Variants in TFCP2 observed in about 807,000 individuals in gnomAD.
TFCP2 encodes the protein alpha-globin transcription factor CP2.
TFCP2 carries 33 observed loss-of-function variants against 73.4 expected under a neutral mutation model. That is an observed-to-expected ratio of 0.45 (90% CI 0.34 to 0.60). The LOEUF is 0.60. Among genes scored for constraint, TFCP2 ranks in the 20% least tolerant of loss-of-function variants. The pLI is 0.01. For synonymous variants in TFCP2, 193 were observed against 211.6 expected (o/e 0.91, Z 0.76); for missense variants, 352 against 604.0 (o/e 0.58, Z 4.37).
chr12:51,124,615 G>C (rs1188296056), intron 1 of TFCP2: 1 of 530,196 alleles, frequency 1.9e-6, no homozygotes, highest in Non-Finnish European at 3.6e-6. Flanking sequence ...GGACTGCCCC[G>C]CCGGCAGGTA....
intron 1 of TFCP2, among the ~76,000 whole-genome samples, chr12:51,171,503 G>T (rs534072996): frequency 1.3e-5 from 2 of 151,720 alleles, no homozygotes; most frequent in African/African-American, 2.4e-5. Context: ...TCAGCCTCCC[G>T]AGTGGCTGGG....
chr12:51,152,317 C>CT (rs1941446204), intron 1 of TFCP2, among the ~76,000 whole-genome samples: 1 of 151,944 alleles, frequency 6.6e-6, no homozygotes, highest in Non-Finnish European at 1.5e-5. Flanking sequence ...CTACCCTGCA[C>CT]TTATCAAATT....
chr12:51,109,728 T>C (rs565763512), intron 5 of TFCP2, among the ~76,000 whole-genome samples: 8 of 151,958 alleles, frequency 5.3e-5, no homozygotes, highest in African/African-American at 1.9e-4. Context: ...TTTTTTTTTT[T>C]TTTTTTTGAG....
chr12:51,171,756 CTT>C (rs1941867980), intron 1 of TFCP2, among the ~76,000 whole-genome samples: 1 of 152,220 alleles, frequency 6.6e-6, no homozygotes. Context: ...TTCTTCGTCA[CTT>C]TTTCATTTCA....
rs748300360 is a variant in TFCP2, at chr12:51,141,002, G to A, written c.123-22230C>T. ...ACCGGGGAGGCAGAGGTTGCAGTGC[G>A]CTGAGATCACACCACTGGACTCCAG... On this transcript the variant is annotated intron_variant, in intron 1 of 14. Coordinates refer to ENST00000257915, the MANE Select transcript of TFCP2 (RefSeq NM_005653.5). 5.3e-5 allele frequency among the ~76,000 whole-genome samples: 8 copies of A among 151,940 alleles called. No homozygotes were observed. In the East Asian group the frequency reaches 1.3e-3, roughly 26 times the overall value.
intron 1 of TFCP2, among the ~76,000 whole-genome samples, chr12:51,127,141 A>G (rs1940834832): frequency 6.6e-6 from 1 of 152,224 alleles, no homozygotes. Flanking sequence ...GAAACTGATC[A>G]GAAAAGAAGT....
intron 1 of TFCP2, among the ~76,000 whole-genome samples, chr12:51,170,979 G>T (rs1941849471): frequency 6.6e-6 from 1 of 151,938 alleles, no homozygotes; most frequent in Non-Finnish European, 1.5e-5. Flanking sequence ...TGCCCGGCCT[G>T]AAGTATTAAA....
chr12:51,142,841 C>T (rs777666912), intron 1 of TFCP2, among the ~76,000 whole-genome samples: 3 of 152,160 alleles, frequency 2.0e-5, no homozygotes, highest in Non-Finnish European at 4.4e-5. Context: ...GCTTTCACTA[C>T]AACACACCAT....
intron 4 of TFCP2, among the ~76,000 whole-genome samples, chr12:51,114,322 T>C (rs899366720): frequency 1.3e-5 from 2 of 152,166 alleles, no homozygotes; most frequent in Non-Finnish European, 2.9e-5. Flanking sequence ...ATATAAATGA[T>C]GGGCCGGGAG....
chr12:51,115,276 C>G (rs192004044), intron 4 of TFCP2, among the ~76,000 whole-genome samples: 1 of 151,842 alleles, frequency 6.6e-6, no homozygotes, highest in East Asian at 2.0e-4. Context: ...CCCGCCACCA[C>G]GCCCAGCTAA....
At chr12:51,116,171 T>C (rs1016423146) in intron 4 of TFCP2, 144 bp downstream of exon 4, 1 of 424,364 alleles carries the variant, frequency 2.4e-6, no homozygotes. Flanking sequence ...TTACTTAAAA[T>C]TTTTTATGCT....
chr12:51,156,556 AT>A (rs1480370198), intron 1 of TFCP2, among the ~76,000 whole-genome samples: 1 of 152,192 alleles, frequency 6.6e-6, no homozygotes, highest in African/African-American at 2.4e-5. Flanking sequence ...TATGTCAAAG[AT>A]AATGCTGACT....
At chr12:51,109,065 T>C (rs989128099) in intron 6 of TFCP2, 56 bp downstream of exon 6, 1 of 1,574,848 alleles carries the variant, frequency 6.3e-7, no homozygotes, top group African/African-American at 1.4e-5. Context: ...TAACTAATGT[T>C]AAAATAGAAT....
chr12:51,138,488 G>A (rs1941114013), intron 1 of TFCP2, among the ~76,000 whole-genome samples: 1 of 151,888 alleles, frequency 6.6e-6, no homozygotes, highest in African/African-American at 2.4e-5. Flanking sequence ...TTTAATTGCC[G>A]ATGACTTTCA....
At chr12:51,111,048 T>C in intron 4 of TFCP2, 65 bp from the exon 5 acceptor site, 1 of 1,100,360 alleles carries the variant, frequency 9.1e-7, no homozygotes, top group East Asian at 2.4e-5. Context: ...TAAGAAAGCA[T>C]TGATTCTTAT....
At chr12:51,144,736 G>C (rs574450750) in intron 1 of TFCP2, among the ~76,000 whole-genome samples, 17 of 152,304 alleles carry the variant, frequency 1.1e-4, no homozygotes, top group Admixed American at 9.8e-4. Flanking sequence ...CAATACAGGA[G>C]AATATCTTGA....
intron 1 of TFCP2, among the ~76,000 whole-genome samples, chr12:51,142,135 C>T (rs565223686): frequency 3.3e-5 from 4 of 122,890 alleles, no homozygotes; most frequent in South Asian, 2.8e-4. Flanking sequence ...ATCCCCAAGG[C>T]GGAGATTGCA....
Position 51,099,002 on chromosome 12 carries a change from TC to T in TFCP2, c.1277-85del, listed in dbSNP as rs1940040142. 7 of 1,431,914 alleles carry T rather than the reference TC, an allele frequency of 4.9e-6. No individual in the cohort carries two copies. In the Admixed American group the frequency reaches 8.1e-5, roughly 17 times the overall value. The allele number at this position is 1,431,914 out of a possible 1,614,324, so 88.7% of individuals were successfully genotyped here. On this transcript the variant is annotated intron_variant, in intron 12 of 14. Transcript: ENST00000257915. ...CTTGATCACTAGGAATGCCCACTTT[TC>T]TGAAGGACTCAGAAATCACACTGCC...
In TFCP2 at chr12:51,107,125, T is replaced by C. The variant is rs1940267229; in HGVS notation, c.828+111A>G. On this transcript the variant is annotated intron_variant, in intron 7 of 14. Transcript: ENST00000257915. Reference sequence around the variant, plus strand: ...GCCGCTGGACACAGAATCCATGTGATACTGTGTCCCTCAAGGCTTAGGAGA... The same window carrying C: ...GCCGCTGGACACAGAATCCATGTGACACTGTGTCCCTCAAGGCTTAGGAGA... 5 of 859,626 alleles carry C rather than the reference T, an allele frequency of 5.8e-6. No homozygotes were observed. In the South Asian group the frequency reaches 8.3e-5, roughly 14 times the overall value. 53.2% of individuals were successfully genotyped at this position (859,626 alleles called of 1,614,324 possible). A position where few individuals can be genotyped will look rare whatever the true frequency, so the allele number is the denominator to read the frequency against.
Sources: gnomAD v4.1 joint callset for allele counts (sites outside exome capture counted in the v4.1 genomes callset) on GRCh38, gnomAD v4.1.1 for gene constraint, MANE v1.5 for transcripts, NCBI Gene and HGNC (gene_info 2026-07-23, HGNC 2026-07-21) for gene names.